Variants in TNKS2 observed in about 807,000 individuals in gnomAD.
TNKS2 encodes tankyrase 2.
A neutral mutation model predicts 137.6 loss-of-function variants in TNKS2; 72 were observed. The ratio of observed to expected loss-of-function variants is 0.52; its 90% confidence interval spans 0.43 to 0.64. The LOEUF (loss-of-function observed/expected upper bound fraction) is 0.64. TNKS2 is among the 30% of genes least tolerant of loss of function. The pLI, the probability that TNKS2 is intolerant of heterozygous loss-of-function variation, is 0.00. For missense variants in TNKS2, 1,049 were observed against 1,410.2 expected (o/e 0.74, Z 4.10); for synonymous variants, 516 against 512.1 (o/e 1.01, Z -0.10).
chr10:91,845,488 G>A (rs1214672632), intron 17 of TNKS2, among the ~76,000 whole-genome samples: 1 of 152,186 alleles, frequency 6.6e-6, no homozygotes, highest in Non-Finnish European at 1.5e-5. Context: ...GAATAAATTA[G>A]AAATTATTGA....
At chr10:91,815,183 A>T (rs1348469793) in intron 2 of TNKS2, among the ~76,000 whole-genome samples, 2 of 152,204 alleles carry the variant, frequency 1.3e-5, no homozygotes, top group African/African-American at 4.8e-5. Context: ...TAACAGATAG[A>T]AAGCCAGTTC....
chr10:91,831,099 T>C lies in TNKS2; in HGVS notation c.1197-4T>C, dbSNP rs760450542. ...CACTGTCTGGCTGATTTTTTCTCTC[T>C]AAGATTCTTGACTCCTCTGCACGTG... On this transcript the variant is annotated splice_polypyrimidine_tract_variant and splice_region_variant and intron_variant, in intron 10 of 26. Transcript: ENST00000371627. 1 of 1,613,960 alleles carries C rather than the reference T, an allele frequency of 6.2e-7. No homozygotes were observed. The highest frequency in any genetic ancestry group is 2.2e-5 in the East Asian group (1 of 44,832).
chr10:91,833,900 A>G lies in TNKS2; in HGVS notation c.1323A>G (p.Ala441=), dbSNP rs140304512. The G allele has an allele frequency of 1.1e-5, 17 of 1,613,766 alleles. No homozygotes were observed. Among genetic ancestry groups the G allele is most frequent in the Non-Finnish European group, 1.4e-5 (17 of 1,179,904 alleles). ...NLGQTSLHRA[A]YCGHLQTCRL... Reference sequence around the variant, plus strand: ...GTCAGACTTCTCTACACAGAGCTGCATATTGTGGTCATCTACAAACCTGCC... The same window carrying G: ...GTCAGACTTCTCTACACAGAGCTGCGTATTGTGGTCATCTACAAACCTGCC... Residue 441 remains alanine (A), a synonymous_variant, in exon 12 of 27, where the codon GCA becomes GCG. Transcript: ENST00000371627.
intron 1 of TNKS2, among the ~76,000 whole-genome samples, chr10:91,805,252 G>A (rs1422415365): frequency 6.6e-6 from 1 of 151,868 alleles, no homozygotes; most frequent in Non-Finnish European, 1.5e-5. Flanking sequence ...CTCACATATT[G>A]TAGTCCTTAC....
intron 21 of TNKS2, 83 bp downstream of exon 21, chr10:91,851,419 A>ATACG (rs112177544): frequency 5.0e-6 from 7 of 1,409,312 alleles, no homozygotes; most frequent in Admixed American, 2.3e-5. Flanking sequence ...TAATTTAAAA[A>ATACG]TATGAGAGAA....
rs182939246 is a variant in TNKS2, at chr10:91,864,782, A to G, written c.*1783A>G. 12 of 152,708 alleles carry G rather than the reference A, an allele frequency of 7.9e-5. No homozygotes were observed. Among genetic ancestry groups the G allele is most frequent in the Non-Finnish European group, 1.3e-4 (9 of 68,024 alleles). 9.5% of individuals were successfully genotyped at this position (152,708 alleles called of 1,614,324 possible). On this transcript the variant is annotated 3_prime_UTR_variant, in exon 27 of 27. Coordinates refer to ENST00000371627, the MANE Select transcript of TNKS2 (RefSeq NM_025235.4). ...TTTATATGAATTTTTCAGATTATCT[A>G]AGCTTCCAGGTTTTATAATTAGAAG... is the stretch of plus-strand genomic sequence containing the variant.
chr10:91,859,691 T>G (rs770818488), intron 25 of TNKS2, 43 bp downstream of exon 25: 1 of 1,540,840 alleles, frequency 6.5e-7, no homozygotes, highest in Non-Finnish European at 8.9e-7. Context: ...GGTAATCAGA[T>G]AAGAACTAGT....
In TNKS2 at chr10:91,845,856, A is replaced by G. The variant is rs779872967; in HGVS notation, c.2274A>G (p.Thr758=). The G allele has an allele frequency of 8.7e-6, 14 of 1,610,704 alleles. No homozygotes were observed. Among genetic ancestry groups the G allele is most frequent in the Non-Finnish European group, 1.1e-5 (13 of 1,177,426 alleles). Residue 758 remains threonine (T), a synonymous_variant, in exon 18 of 27, where the codon ACA becomes ACG. Transcript: ENST00000371627. ...ACGAAGCAGCCCAAAAGGGACGAAC[A>G]CAGCTTTGTGCTTTGTTGCTAGCCC... The part of the protein sequence containing the change: ...PLHEAAQKGR[T]QLCALLLAHG...
intron 1 of TNKS2, among the ~76,000 whole-genome samples, chr10:91,806,051 T>C: frequency 6.6e-6 from 1 of 150,896 alleles, no homozygotes. Context: ...TCTTTTTTTT[T>C]TTTTTTTTTT....
At position 91,864,715 on chromosome 10, in the gene TNKS2, T is replaced by C. The variant is rs1013075529; in HGVS notation, c.*1716T>C. 2 of 152,634 alleles carry C rather than the reference T, an allele frequency of 1.3e-5. No individual in the cohort carries two copies. The highest frequency in any genetic ancestry group is 1.3e-4 in the Admixed American group (2 of 15,264). The allele number at this position is 152,634 out of a possible 1,614,324, so 9.5% of individuals were successfully genotyped here. ...TACAGCTCTCTAATAATTACAAATA[T>C]CCGAAAGTCATTTCTTGGAACACAA... On this transcript the variant is annotated 3_prime_UTR_variant, in exon 27 of 27. Transcript: ENST00000371627.
At chr10:91,805,569 T>C (rs986200804) in intron 1 of TNKS2, among the ~76,000 whole-genome samples, 7 of 152,214 alleles carry the variant, frequency 4.6e-5, no homozygotes, top group African/African-American at 1.4e-4. Flanking sequence ...GGGACAGATA[T>C]CTTCCCAGTT....
At chr10:91,857,586 T>G in intron 24 of TNKS2, 56 bp downstream of exon 24, 4 of 1,155,780 alleles carry the variant, frequency 3.5e-6, no homozygotes, top group Non-Finnish European at 5.0e-6. Flanking sequence ...ATAGTTTTTT[T>G]GTTCAGATAT....
chr10:91,819,231 T>G (rs1844805499), intron 3 of TNKS2, 39 bp from the exon 4 acceptor site: 1 of 1,257,234 alleles, frequency 8.0e-7, no homozygotes, highest in Non-Finnish European at 1.1e-6. Context: ...TTAATTTTTC[T>G]TTTTAATTTC....
chr10:91,833,288 G>A (rs773434525), intron 11 of TNKS2, among the ~76,000 whole-genome samples: 12 of 152,098 alleles, frequency 7.9e-5, no homozygotes, highest in South Asian at 4.1e-4. Context: ...CAAAATGTAC[G>A]CTTTTGTGTA....
chr10:91,820,764 C>G (rs1198056452), intron 6 of TNKS2, among the ~76,000 whole-genome samples: 1 of 152,082 alleles, frequency 6.6e-6, no homozygotes, highest in African/African-American at 2.4e-5. Context: ...AGTGAGCATT[C>G]TAGAGGTTTA....
At chr10:91,861,401 C>G (rs1052975926) in intron 25 of TNKS2, among the ~76,000 whole-genome samples, 5 of 152,136 alleles carry the variant, frequency 3.3e-5, no homozygotes, top group Admixed American at 2.6e-4. Flanking sequence ...CAGTGACAGC[C>G]TCTAAAAGGT....
At chr10:91,812,045 C>T (rs1844525317) in intron 1 of TNKS2, among the ~76,000 whole-genome samples, 1 of 141,010 alleles carries the variant, frequency 7.1e-6, no homozygotes, top group South Asian at 2.4e-4. Context: ...GGCGACAGAG[C>T]GACACTCCGT....
intron 12 of TNKS2, 25 bp downstream of exon 12, chr10:91,834,049 A>G: frequency 6.7e-7 from 1 of 1,491,200 alleles, no homozygotes; most frequent in South Asian, 1.4e-5. Context: ...AATGAAATTG[A>G]TTTTTTTAAA....
At chr10:91,844,588 TTTGGTAGG>T (rs1270205582) in intron 16 of TNKS2, among the ~76,000 whole-genome samples, 2 of 152,266 alleles carry the variant, frequency 1.3e-5, no homozygotes, top group African/African-American at 4.8e-5. Context: ...AGGCAGAGAC[TTTGGTAGG>T]AAGGTTTTCA....
Sources: allele counts gnomAD v4.1 joint callset (sites outside exome capture counted in the v4.1 genomes callset), GRCh38; gene constraint gnomAD v4.1.1; transcripts MANE v1.5; gene names NCBI Gene and HGNC (gene_info 2026-07-23, HGNC 2026-07-21).